Variants in PRKN observed in about 807,000 individuals in gnomAD.
PRKN encodes parkin RBR E3 ubiquitin protein ligase, also known as E3 ubiquitin-protein ligase parkin.
In PRKN, 56 loss-of-function variants were observed where a neutral mutation model predicts 59.5. The ratio of observed to expected loss-of-function variants is 0.94; its 90% confidence interval spans 0.76 to 1.18. The LOEUF (loss-of-function observed/expected upper bound fraction) is 1.18, where lower values mean the gene tolerates loss of function less well. Among genes scored for constraint, PRKN ranks in the 50% most tolerant of loss-of-function variants. PRKN has a pLI of 0.00. For synonymous variants in PRKN, 250 were observed against 222.1 expected (o/e 1.13, Z -1.12); for missense variants, 657 against 596.4 (o/e 1.10, Z -1.06).
At chr6:162,232,819 C>A (rs1350065702) in intron 3 of PRKN, among the ~76,000 whole-genome samples, 1 of 152,078 alleles carries the variant, frequency 6.6e-6, no homozygotes, top group African/African-American at 2.4e-5. Flanking sequence ...CCAGTATCTG[C>A]ACAAAGCGTG....
chr6:162,455,221 C>T (rs1358166000), intron 1 of PRKN, among the ~76,000 whole-genome samples: 4 of 152,110 alleles, frequency 2.6e-5, no homozygotes, highest in African/African-American at 4.8e-5. Context: ...CATCTCTTAC[C>T]TAACCATCCA....
intron 7 of PRKN, among the ~76,000 whole-genome samples, chr6:161,597,703 G>A (rs1046378482): frequency 6.6e-6 from 1 of 152,172 alleles, no homozygotes; most frequent in Admixed American, 6.5e-5. Context: ...TCCTCTCCTG[G>A]GGAGAAAGCC....
intron 6 of PRKN, among the ~76,000 whole-genome samples, chr6:161,876,706 T>A (rs1420487769): frequency 6.6e-6 from 1 of 152,192 alleles, no homozygotes; most frequent in East Asian, 1.9e-4. Context: ...ATGTATGTGA[T>A]TTTGAAAATA....
chr6:161,867,747 T>TTATTTATTTATG (rs1157140129), intron 6 of PRKN, among the ~76,000 whole-genome samples: 5 of 145,112 alleles, frequency 3.4e-5, no homozygotes, highest in African/African-American at 1.4e-4. Context: ...TTTCATTTAT[T>TTATTTATTTATG]TATTTATTTA....
chr6:161,824,935 A>T (rs374985241), intron 6 of PRKN, among the ~76,000 whole-genome samples: 1 of 152,240 alleles, frequency 6.6e-6, no homozygotes, highest in African/African-American at 2.4e-5. Context: ...ACTATGCAAT[A>T]AGACTTGAAA....
chr6:162,104,182 C>T (rs975183539), intron 4 of PRKN, among the ~76,000 whole-genome samples: 2 of 152,148 alleles, frequency 1.3e-5, no homozygotes, highest in Admixed American at 6.5e-5. Context: ...GAGCTAATGG[C>T]AGCACCTACT....
rs1792874078 is a variant in PRKN at position 161,838,975 on chromosome 6, TC to T, written c.735-53068del. The stretch of plus-strand genomic sequence containing the variant: ...AGCCCCACCCAGGAGCCAATGTGTC[TC>T]CGCAGTGCTTGCTCTAGAGGAGGAG... On this transcript the variant is annotated intron_variant, in intron 6 of 11. Transcript: ENST00000366898. Among the ~76,000 whole-genome samples the T allele has an allele frequency of 2.0e-5, 3 of 152,044 alleles. No homozygotes were observed. The South Asian group carries it at 6.2e-4, about 32-fold the overall frequency.
intron 6 of PRKN, among the ~76,000 whole-genome samples, chr6:161,850,983 A>G (rs1292131575): frequency 6.6e-6 from 1 of 152,198 alleles, no homozygotes; most frequent in African/African-American, 2.4e-5. Flanking sequence ...GTAGGAAAAT[A>G]CATGTGATCT....
intron 3 of PRKN, among the ~76,000 whole-genome samples, chr6:162,217,811 G>C (rs533174954): frequency 6.6e-6 from 1 of 152,108 alleles, no homozygotes; most frequent in African/African-American, 2.4e-5. Flanking sequence ...TATTGTTAAG[G>C]CTCCAGCTTG....
chr6:162,502,230 G>A (rs1028206819), intron 1 of PRKN, among the ~76,000 whole-genome samples: 5 of 152,146 alleles, frequency 3.3e-5, no homozygotes, highest in African/African-American at 1.2e-4. Context: ...GTGCGATCAT[G>A]TCTCACTGCA....
rs1166891805 is a variant in PRKN at position 161,863,040 on chromosome 6, T to C, written c.735-77132A>G. Among the ~76,000 whole-genome samples the C allele has an allele frequency of 2.6e-5, 4 of 152,296 alleles. No individual in the cohort carries two copies. The East Asian group carries it at 7.7e-4, about 29-fold the overall frequency. On this transcript the variant is annotated intron_variant, in intron 6 of 11. Transcript: ENST00000366898. The stretch of plus-strand genomic sequence containing the variant: ...AGATCAAGAAGAATCAAGCTGCTTT[T>C]GTGTTCATATGAACAACAAAATGTC...
chr6:161,574,758 G>A (rs1158252316), intron 7 of PRKN, among the ~76,000 whole-genome samples: 1 of 152,124 alleles, frequency 6.6e-6, no homozygotes, highest in Non-Finnish European at 1.5e-5. Flanking sequence ...GCCATATTAT[G>A]TCATCATTTT....
chr6:162,642,651 A>G (rs1778006544), intron 1 of PRKN, among the ~76,000 whole-genome samples: 2 of 151,918 alleles, frequency 1.3e-5, no homozygotes, highest in Admixed American at 6.6e-5. Flanking sequence ...TAGTTGCTTC[A>G]TGAGAAAAAT....
chr6:161,482,880 T>C (rs1791474673), intron 9 of PRKN, among the ~76,000 whole-genome samples: 1 of 152,236 alleles, frequency 6.6e-6, no homozygotes. Context: ...CAATATGACT[T>C]TCATAAGCAC....
In PRKN at chr6:161,498,221, T is replaced by A. The variant is rs1297230501; in HGVS notation, c.1083+50633A>T. Among the ~76,000 whole-genome samples the A allele has an allele frequency of 6.6e-6, 1 of 152,242 alleles. No individual in the cohort carries two copies. Among genetic ancestry groups the A allele is most frequent in the Non-Finnish European group, 1.5e-5 (1 of 68,046 alleles). On this transcript the variant is annotated intron_variant, in intron 9 of 11. Transcript: ENST00000366898. The surrounding 1 kb of genome is among the most constrained non-coding windows in gnomAD (Gnocchi z 4.2). ...CTCTGCTCACCAAGGGGATTTTTATTCAGGCTGCAAATCAGTATCATGTTA... is the reference window on the plus strand; with the variant it reads ...CTCTGCTCACCAAGGGGATTTTTATACAGGCTGCAAATCAGTATCATGTTA...
chr6:161,835,614 C>T (rs540530203), intron 6 of PRKN, among the ~76,000 whole-genome samples: 9 of 152,264 alleles, frequency 5.9e-5, no homozygotes, highest in East Asian at 1.9e-4. Context: ...TGCGTTTCCA[C>T]GCCGGGGATA....
At chr6:161,810,246 T>C (rs1260130819) in intron 6 of PRKN, among the ~76,000 whole-genome samples, 2 of 152,158 alleles carry the variant, frequency 1.3e-5, no homozygotes, top group African/African-American at 4.8e-5. Flanking sequence ...AAGACAGCCA[T>C]CTGCAAGCGA....
intron 5 of PRKN, among the ~76,000 whole-genome samples, chr6:162,027,840 G>A (rs1050989297): frequency 2.0e-5 from 3 of 151,812 alleles, no homozygotes; most frequent in African/African-American, 4.8e-5. Context: ...AGAAAGTGGA[G>A]AGGAGGAAGA....
chr6:162,692,238 T>C (rs1213868229), intron 1 of PRKN, among the ~76,000 whole-genome samples: 1 of 151,674 alleles, frequency 6.6e-6, no homozygotes, highest in African/African-American at 2.4e-5. Flanking sequence ...TCCCTGTGTA[T>C]CAAGAGACTT....
Sources: gnomAD v4.1 joint callset for allele counts (sites outside exome capture counted in the v4.1 genomes callset) on GRCh38, gnomAD v4.1.1 for gene constraint, Gnocchi (gnomAD v3.1) non-coding constraint, MANE v1.5 for transcripts, NCBI Gene and HGNC (gene_info 2026-07-23, HGNC 2026-07-21) for gene names.